Variants in CLCN4 observed in about 807,000 individuals in gnomAD.
CLCN4 encodes the protein H(+)/Cl(-) exchange transporter 4.
CLCN4 carries 1 observed loss-of-function variant against 41.7 expected under a neutral mutation model. The observed-to-expected ratio is 0.02, with a 90% CI of 0.01 to 0.11. The LOEUF (loss-of-function observed/expected upper bound fraction) is 0.11. CLCN4 is among the 10% of genes least tolerant of loss of function. The probability of loss-of-function intolerance (pLI) is 1.00; values close to 1 mark genes in which losing one functional copy is unlikely to be tolerated. For synonymous variants in CLCN4, 277 were observed against 285.8 expected (o/e 0.97, Z 0.31); for missense variants, 287 against 661.0 (o/e 0.43, Z 6.20).
chrX:10,169,516 C>A (rs113978622), intron 2 of CLCN4, among the ~76,000 whole-genome samples: 9,046 of 108,998 alleles, frequency 0.083, 334 homozygotes, highest in Middle Eastern at 0.13. Context: ...AACAAACAAA[C>A]AAACAAAACC....
intron 9 of CLCN4, among the ~76,000 whole-genome samples, chrX:10,209,267 TCCTCCCTCCCTC>T (rs200902751): frequency 8.3e-5 from 6 of 72,073 alleles, no homozygotes; most frequent in South Asian, 9.9e-4. Flanking sequence ...TTTCTTTTCC[TCCTCCCTCCCTC>T]CCTCCCTCCC....
At chrX:10,207,024 A>G (rs1924414033) in intron 8 of CLCN4, among the ~76,000 whole-genome samples, 1 of 110,677 alleles carries the variant, frequency 9.0e-6, no homozygotes, top group East Asian at 2.8e-4. Flanking sequence ...GGTTGAAGCA[A>G]TTCTCCTGTC....
intron 2 of CLCN4, among the ~76,000 whole-genome samples, chrX:10,158,805 A>G (rs1466880868): frequency 8.8e-6 from 1 of 113,681 alleles, no homozygotes; most frequent in Non-Finnish European, 1.9e-5. Flanking sequence ...GGCAGGGGCC[A>G]GACAGAAAGA....
At position 10,202,876 on chromosome X, in the gene CLCN4, C is replaced by T. The variant is rs185861339; in HGVS notation, c.556-3482C>T. On this transcript the variant is annotated intron_variant, in intron 6 of 12. Transcript: ENST00000380833. ...AACACTCTTACAAATATTTATTTAT[C>T]GGAAAGAGTTCTGGTTTTCAGGTTA... Among the ~76,000 whole-genome samples, 684 of 110,993 alleles carry T rather than the reference C, an allele frequency of 6.2e-3. 1 individual carries two copies. The highest frequency in any genetic ancestry group is 0.01 in the Non-Finnish European group (545 of 53,019).
chrX:10,174,738 T>C (rs1923473948), intron 2 of CLCN4, among the ~76,000 whole-genome samples: 1 of 111,550 alleles, frequency 9.0e-6, no homozygotes, highest in South Asian at 3.8e-4. Context: ...CACTGCCATA[T>C]AGCTGGACGA....
chrX:10,180,767 C>CAAAA lies in CLCN4; in HGVS notation c.-11-4231_-11-4228dup, dbSNP rs869040200. On this transcript the variant is annotated intron_variant, in intron 2 of 12. Transcript: ENST00000380833. Reference sequence around the variant, plus strand: ...GGGCAACAAGAGTGAAACTCCATCTCAAAAAAAAAAAAAAAAAAAAAAAAA... The same window carrying CAAAA: ...GGGCAACAAGAGTGAAACTCCATCTCAAAAAAAAAAAAAAAAAAAAAAAAAAAAA... Among the ~76,000 whole-genome samples, 172 of 24,513 alleles carry CAAAA rather than the reference C, an allele frequency of 7.0e-3. 1 individual carries two copies. Among genetic ancestry groups the CAAAA allele is most frequent in the Non-Finnish European group, 9.2e-3 (129 of 14,030 alleles). The allele number at this position is 24,513 out of a possible 115,157, so 21.3% of individuals were successfully genotyped here. A position where few individuals can be genotyped will look rare whatever the true frequency, so the allele number is the denominator to read the frequency against.
rs760315418 is a variant in CLCN4, at chrX:10,191,692, A to ATTTTTTTTTTTTTTTTTT, written c.245-3208_245-3191dup. Among the ~76,000 whole-genome samples the ATTTTTTTTTTTTTTTTTT allele has an allele frequency of 7.4e-4, 37 of 49,770 alleles. 2 individuals are homozygous for ATTTTTTTTTTTTTTTTTT. The highest frequency in any genetic ancestry group is 3.4e-3 in the African/African-American group (37 of 10,846). The allele number at this position is 49,770 out of a possible 115,157, so 43.2% of individuals were successfully genotyped here. ...AGGCGCGTGCCACCATATCTGGTTA[A>ATTTTTTTTTTTTTTTTTT]TTTTTTTTTTTTTTTTTTTTTTTTT... On this transcript the variant is annotated intron_variant, in intron 4 of 12. Coordinates refer to ENST00000380833, the MANE Select transcript of CLCN4 (RefSeq NM_001830.4).
chrX:10,195,873 T>C (rs1426914703), intron 5 of CLCN4, among the ~76,000 whole-genome samples: 1 of 112,760 alleles, frequency 8.9e-6, no homozygotes. Context: ...GGACCACATT[T>C]TATTTATCCA....
intron 10 of CLCN4, among the ~76,000 whole-genome samples, chrX:10,213,089 A>G (rs1569231762): frequency 8.9e-6 from 1 of 112,026 alleles, no homozygotes; most frequent in East Asian, 2.8e-4. Flanking sequence ...TAATTTATTG[A>G]ATATTGTACT....
At chrX:10,169,058 A>G (rs753953430) in intron 2 of CLCN4, among the ~76,000 whole-genome samples, 4 of 110,955 alleles carry the variant, frequency 3.6e-5, no homozygotes, top group Admixed American at 2.9e-4. Context: ...CGATTATGCT[A>G]TGCCTTGGTG....
intron 2 of CLCN4, among the ~76,000 whole-genome samples, chrX:10,161,124 G>GCTCTCTCT (rs34687262): frequency 0.084 from 7,235 of 86,147 alleles, 532 homozygotes; most frequent in East Asian, 0.39. Flanking sequence ...CCATCAGCTT[G>GCTCTCTCT]CTCTCTCTCT....
At chrX:10,203,488 A>G (rs1158147784) in intron 6 of CLCN4, among the ~76,000 whole-genome samples, 2 of 111,109 alleles carry the variant, frequency 1.8e-5, no homozygotes, top group Non-Finnish European at 3.8e-5. Flanking sequence ...GAACATACAC[A>G]CTCTTGGATG....
At chrX:10,181,030 C>G (rs1923668637) in intron 2 of CLCN4, among the ~76,000 whole-genome samples, 1 of 109,923 alleles carries the variant, frequency 9.1e-6, no homozygotes, top group Non-Finnish European at 1.9e-5. Context: ...GATGGTCTTG[C>G]TGAGTCCAAT....
chrX:10,178,253 A>C (rs1923584328), intron 2 of CLCN4, among the ~76,000 whole-genome samples: 1 of 111,748 alleles, frequency 8.9e-6, no homozygotes. Context: ...AAACCACTGA[A>C]TTGTACACTT....
intron 5 of CLCN4, among the ~76,000 whole-genome samples, chrX:10,197,390 G>A (rs1479659775): frequency 9.0e-6 from 1 of 111,600 alleles, no homozygotes; most frequent in African/African-American, 3.3e-5. Context: ...AGCAGTTCTC[G>A]GGTGAGGCCT....
intron 11 of CLCN4, among the ~76,000 whole-genome samples, chrX:10,217,798 A>G (rs1430980011): frequency 9.5e-6 from 1 of 105,316 alleles, no homozygotes; most frequent in Non-Finnish European, 1.9e-5. Context: ...GCTGGAGTGC[A>G]GTGGCGACAT....
intron 2 of CLCN4, among the ~76,000 whole-genome samples, chrX:10,179,258 C>T (rs1923612527): frequency 9.0e-6 from 1 of 111,134 alleles, no homozygotes; most frequent in Non-Finnish European, 1.9e-5. Context: ...GGTGCTGTTT[C>T]ATTCCCTGTG....
At chrX:10,174,262 C>T (rs1364194073) in intron 2 of CLCN4, among the ~76,000 whole-genome samples, 1 of 112,195 alleles carries the variant, frequency 8.9e-6, no homozygotes, top group East Asian at 2.8e-4. Flanking sequence ...TCCCCATAGC[C>T]GGTCATTGTG....
At chrX:10,201,951 C>A (rs1410924212) in intron 6 of CLCN4, among the ~76,000 whole-genome samples, 1 of 110,038 alleles carries the variant, frequency 9.1e-6, no homozygotes, top group Non-Finnish European at 1.9e-5. Flanking sequence ...CCAGCCCGGA[C>A]AACAGAGCAA....
Sources: allele counts gnomAD v4.1 joint callset (sites outside exome capture counted in the v4.1 genomes callset), GRCh38; gene constraint gnomAD v4.1.1; transcripts MANE v1.5; gene names NCBI Gene and HGNC (gene_info 2026-07-23, HGNC 2026-07-21).